Variants in PCDHGA1 observed in about 807,000 individuals in gnomAD.
The protein encoded by PCDHGA1 is protocadherin gamma subfamily A, 1.
PCDHGA1 carries 32 observed loss-of-function variants against 58.0 expected under a neutral mutation model. The ratio of observed to expected loss-of-function variants is 0.55; its 90% CI spans 0.42 to 0.74. The LOEUF (loss-of-function observed/expected upper bound fraction) is 0.74. Ranked by LOEUF, PCDHGA1 falls within the 30% of genes least tolerant of loss-of-function variation. The probability of loss-of-function intolerance (pLI) is 0.00; values close to 1 mark genes in which losing one functional copy is unlikely to be tolerated. For synonymous variants in PCDHGA1, 498 were observed against 501.1 expected, an observed-to-expected ratio of 0.99 and a Z score of 0.08; for missense variants, 1,205 against 1,182.3, an observed-to-expected ratio of 1.02 and a Z score of -0.28.
intron 1 of PCDHGA1, among the ~76,000 whole-genome samples, chr5:141,397,293 A>T (rs1449132000): frequency 6.6e-6 from 1 of 152,220 alleles, no homozygotes; most frequent in African/African-American, 2.4e-5. Flanking sequence ...ACTTGAATGA[A>T]TATTTCCTGA....
chr5:141,506,935 G>A (rs1375246477), intron 3 of PCDHGA1, among the ~76,000 whole-genome samples: 3 of 152,116 alleles, frequency 2.0e-5, no homozygotes, highest in African/African-American at 7.2e-5. Context: ...AACTTTAGGG[G>A]CCTCCTGTCA....
chr5:141,476,318 G>T lies in PCDHGA1; in HGVS notation c.2422-18489G>T. 3 of 1,614,202 alleles carry T rather than the reference G, an allele frequency of 1.9e-6. No homozygotes were observed. The highest frequency in any genetic ancestry group is 2.5e-6 in the Non-Finnish European group (3 of 1,180,052). The stretch of plus-strand genomic sequence containing the variant: ...TAGCCTCTCAGCCCGCAGGTTCCGG[G>T]TGGTGTCTGGAGCTAGCCGAAGATT... On this transcript the variant is annotated intron_variant, in intron 1 of 3. Transcript: ENST00000517417. This position sits in a 1 kb window ranked among gnomAD's most constrained non-coding sequence, Gnocchi z 7.6.
intron 1 of PCDHGA1, chr5:141,374,346 G>A: frequency 1.2e-6 from 2 of 1,614,048 alleles, no homozygotes; most frequent in South Asian, 2.2e-5. Flanking sequence ...GTCACCGCGG[G>A]TAGGATAGAC....
rs751276470 is a variant in PCDHGA1, at chr5:141,431,560, C to A, written c.2422-63247C>A. 6.2e-7 allele frequency: 1 copy of A among 1,614,104 alleles called. No individual in the cohort carries two copies. On this transcript the variant is annotated intron_variant, in intron 1 of 3. Coordinates refer to ENST00000517417, the MANE Select transcript of PCDHGA1 (RefSeq NM_018912.3). This position sits in a 1 kb window ranked among gnomAD's most constrained non-coding sequence, Gnocchi z 4.8. ...CGCAGCTGCTTGTAGTCAACGCTAC[C>A]GACCCTGACGAAGGAGTCAATGCGG...
intron 1 of PCDHGA1, chr5:141,354,990 CA>C (rs774913677): frequency 8.8e-5 from 56 of 635,190 alleles, no homozygotes; most frequent in Middle Eastern, 4.5e-4. Flanking sequence ...GTTCACCAAT[CA>C]GGGGGAAAAG....
Position 141,477,464 on chromosome 5 carries a change from A to G in PCDHGA1, c.2422-17343A>G. The G allele has an allele frequency of 1.2e-6, 2 of 1,614,188 alleles. No homozygotes were observed. The highest frequency in any genetic ancestry group is 1.7e-6 in the Non-Finnish European group (2 of 1,180,034). On this transcript the variant is annotated intron_variant, in intron 1 of 3. Coordinates refer to ENST00000517417, the MANE Select transcript of PCDHGA1 (RefSeq NM_018912.3). This position sits in a 1 kb window ranked among gnomAD's most constrained non-coding sequence, Gnocchi z 4.9. ...AATAGTGCGTGTTCAAGTGTCCGAC[A>G]TCAATGACAACCCTCCACAATCTTC...
Position 141,477,176 on chromosome 5 carries a change from G to A in PCDHGA1, c.2422-17631G>A. ...GAATGACAACGCCCCGGAGATCACA[G>A]TCACCTCCGTGTACAGCCCAGTACC... On this transcript the variant is annotated intron_variant, in intron 1 of 3. Transcript: ENST00000517417. The surrounding 1 kb of genome is among the most constrained non-coding windows in gnomAD (Gnocchi z 4.9). 2 of 1,614,206 alleles carry A rather than the reference G, an allele frequency of 1.2e-6. No individual in the cohort carries two copies. Among genetic ancestry groups the A allele is most frequent in the Admixed American group, 1.7e-5 (1 of 60,024 alleles).
chr5:141,433,837 C>CAA (rs56191208), intron 1 of PCDHGA1, among the ~76,000 whole-genome samples: 9,379 of 111,452 alleles, frequency 0.084, 424 homozygotes, highest in African/African-American at 0.14. Flanking sequence ...AACTCTATCT[C>CAA]AAAAAAAAAA....
At chr5:141,494,569 T>G (rs1341706026) in intron 1 of PCDHGA1, among the ~76,000 whole-genome samples, 2 of 152,190 alleles carry the variant, frequency 1.3e-5, no homozygotes, top group Non-Finnish European at 2.9e-5. Flanking sequence ...GAAAGGAGTC[T>G]CAGCTTGCTC....
chr5:141,494,749 G>C (rs573811540), intron 1 of PCDHGA1, 58 bp from the exon 2 acceptor site: 3 of 1,612,818 alleles, frequency 1.9e-6, no homozygotes, highest in South Asian at 2.2e-5. Context: ...CTAGGGGCTC[G>C]GGTGACATTC....
At chr5:141,445,213 A>C (rs775782586) in intron 1 of PCDHGA1, among the ~76,000 whole-genome samples, 1 of 152,226 alleles carries the variant, frequency 6.6e-6, no homozygotes, top group Non-Finnish European at 1.5e-5. Context: ...TTGAAAAGTA[A>C]GAGGTGCAAA....
At chr5:141,484,931 A>ACGTT (rs1464416110) in intron 1 of PCDHGA1, 2 of 498,000 alleles carry the variant, frequency 4.0e-6, no homozygotes, top group Non-Finnish European at 7.2e-6. Flanking sequence ...TGCTGTTGGG[A>ACGTT]CGTTCTCTGC....
chr5:141,398,125 G>C (rs1353004584), intron 1 of PCDHGA1: 1 of 1,586,808 alleles, frequency 6.3e-7, no homozygotes. Flanking sequence ...GAGAGCAAGA[G>C]GGATGGGGAG....
chr5:141,344,394 A>G (rs747092049), intron 1 of PCDHGA1: 15 of 1,611,866 alleles, frequency 9.3e-6, no homozygotes, highest in Non-Finnish European at 1.1e-5. Context: ...TGAAGTAGAA[A>G]TAGAAATTAA....
chr5:141,375,925 A>G (rs369035619), intron 1 of PCDHGA1: 178 of 1,613,590 alleles, frequency 1.1e-4, no homozygotes, highest in Admixed American at 2.2e-4. Context: ...CCAGCGAGCC[A>G]GGACTTTTCT....
rs1394490963 is a variant in PCDHGA1 at position 141,393,307 on chromosome 5, A to G, written c.2421+60202A>G. On this transcript the variant is annotated intron_variant, in intron 1 of 3. Coordinates refer to ENST00000517417, the MANE Select transcript of PCDHGA1 (RefSeq NM_018912.3). ...GCTGTTGACCCGGATGTGGGCGTGAACTCCCTCCAGAGCTACCAGCTCAGC... is the reference window on the plus strand; with the variant it reads ...GCTGTTGACCCGGATGTGGGCGTGAGCTCCCTCCAGAGCTACCAGCTCAGC... 4 of 1,613,476 alleles carry G rather than the reference A, an allele frequency of 2.5e-6. No homozygotes were observed. The highest frequency in any genetic ancestry group is 3.3e-5 in the Admixed American group (2 of 59,966).
At chr5:141,394,547 G>T (rs771070854) in intron 1 of PCDHGA1, 6 of 1,614,098 alleles carry the variant, frequency 3.7e-6, no homozygotes, top group East Asian at 2.2e-5. Context: ...TGGAGCTGGC[G>T]CCCCGCTCCG....
intron 1 of PCDHGA1, chr5:141,475,845 G>C: frequency 4.5e-6 from 2 of 448,002 alleles, no homozygotes; most frequent in Non-Finnish European, 7.9e-6. Context: ...TGCTCAGAGA[G>C]CCCGGCGCTA....
chr5:141,419,939 G>C, intron 1 of PCDHGA1: 6 of 1,614,054 alleles, frequency 3.7e-6, no homozygotes, highest in Admixed American at 1.7e-5. Flanking sequence ...TTACCTGGTG[G>C]TGGCCTTGGC....
Sources: allele counts gnomAD v4.1 joint callset (sites outside exome capture counted in the v4.1 genomes callset), GRCh38; gene constraint gnomAD v4.1.1; non-coding constraint Gnocchi (gnomAD v3.1); transcripts MANE v1.5; gene names NCBI Gene and HGNC (gene_info 2026-07-23, HGNC 2026-07-21).